Variants in LONP2 observed in about 807,000 individuals in gnomAD.
LONP2 encodes the protein lon peptidase 2, peroxisomal, also known as lon protease homolog 2, peroxisomal.
In LONP2, 60 loss-of-function variants were observed where a neutral mutation model predicts 85.6. That is an observed-to-expected ratio of 0.70 (90% CI 0.57 to 0.87). The LOEUF is 0.87. Among genes scored for constraint, LONP2 ranks in the 40% least tolerant of loss-of-function variants. The probability of loss-of-function intolerance (pLI) is 0.00; values close to 1 mark genes in which losing one functional copy is unlikely to be tolerated. For synonymous variants in LONP2, 395 were observed against 389.7 expected, an observed-to-expected ratio of 1.01 and a Z score of -0.16; for missense variants, 860 against 1,063.5, an observed-to-expected ratio of 0.81 and a Z score of 2.66.
Position 48,353,824 on chromosome 16 carries a change from G to A in LONP2, c.*2022G>A, listed in dbSNP as rs1191911391. ...ACAAGGATATAACTTGGGGTTCTCG[G>A]TATTCTTCCTTTAGTCCTGACACAG... On this transcript the variant is annotated 3_prime_UTR_variant, in exon 15 of 15. Coordinates refer to ENST00000285737, the MANE Select transcript of LONP2 (RefSeq NM_031490.5). 6.6e-6 allele frequency: 1 copy of A among 152,014 alleles called. No homozygotes were observed. Among genetic ancestry groups the A allele is most frequent in the Non-Finnish European group, 1.5e-5 (1 of 68,044 alleles). 9.4% of individuals were successfully genotyped at this position (152,014 alleles called of 1,614,324 possible).
At chr16:48,294,768 CTT>C (rs909360578) in intron 8 of LONP2, among the ~76,000 whole-genome samples, 7 of 151,824 alleles carry the variant, frequency 4.6e-5, no homozygotes, top group Non-Finnish European at 7.4e-5. Context: ...AAAAAACTAA[CTT>C]TGGATAGTTT....
chr16:48,335,040 C>T (rs139859324), intron 12 of LONP2, among the ~76,000 whole-genome samples: 492 of 152,236 alleles, frequency 3.2e-3, no homozygotes, highest in Non-Finnish European at 5.2e-3. Flanking sequence ...GATAATATGA[C>T]TTGCCAGGAG....
At chr16:48,253,703 T>C (rs1327460532) in intron 2 of LONP2, among the ~76,000 whole-genome samples, 1 of 152,166 alleles carries the variant, frequency 6.6e-6, no homozygotes, top group Non-Finnish European at 1.5e-5. Context: ...TGCTTTGCTT[T>C]TACTTCTTTG....
chr16:48,258,883 C>A, intron 4 of LONP2, 143 bp downstream of exon 4: 1 of 753,692 alleles, frequency 1.3e-6, no homozygotes, highest in Non-Finnish European at 1.9e-6. Context: ...TTTTCTTTGC[C>A]TGGATTTTTT....
Position 48,244,354 on chromosome 16 carries a change from C to G in LONP2, c.-35C>G, listed in dbSNP as rs762992923. 14 of 1,476,040 alleles carry G rather than the reference C, an allele frequency of 9.5e-6. No homozygotes were observed. Among genetic ancestry groups the G allele is most frequent in the East Asian group, 2.6e-5 (1 of 37,758 alleles). 91.4% of individuals were successfully genotyped at this position (1,476,040 alleles called of 1,614,324 possible). A position where few individuals can be genotyped will look rare whatever the true frequency, so the allele number is the denominator to read the frequency against. On this transcript the variant is annotated 5_prime_UTR_variant, in exon 1 of 15. Coordinates refer to ENST00000285737, the MANE Select transcript of LONP2 (RefSeq NM_031490.5). ...GCCGGGGGCAGCTGTCTGTCTGGCT[C>G]TTTTTGACAGCCCCCAGTGCGAAAG...
intron 1 of LONP2, among the ~76,000 whole-genome samples, chr16:48,251,574 C>A (rs1398095757): frequency 6.6e-6 from 1 of 152,088 alleles, no homozygotes; most frequent in Non-Finnish European, 1.5e-5. Context: ...AGCCCTCACA[C>A]TTAGAAATTC....
intron 6 of LONP2, among the ~76,000 whole-genome samples, chr16:48,264,462 C>CA (rs1971947509): frequency 6.6e-6 from 1 of 152,202 alleles, no homozygotes; most frequent in African/African-American, 2.4e-5. Context: ...CACCAGCGGT[C>CA]AGAGTTTAAG....
intron 8 of LONP2, among the ~76,000 whole-genome samples, chr16:48,286,742 T>C (rs1486885058): frequency 1.3e-5 from 2 of 151,564 alleles, no homozygotes; most frequent in African/African-American, 2.4e-5. Context: ...AGCAATTTGC[T>C]CACCTTGGCC....
At chr16:48,289,785 T>C (rs1567325316) in intron 8 of LONP2, among the ~76,000 whole-genome samples, 1 of 152,212 alleles carries the variant, frequency 6.6e-6, no homozygotes, top group Non-Finnish European at 1.5e-5. Flanking sequence ...TATTTTCTAC[T>C]TGCACTTTGG....
At chr16:48,249,206 A>C (rs1348869396) in intron 1 of LONP2, among the ~76,000 whole-genome samples, 6 of 152,186 alleles carry the variant, frequency 3.9e-5, no homozygotes, top group Non-Finnish European at 8.8e-5. Context: ...GGAGTTTCAA[A>C]ACTTCTTTGA....
rs1047984907 is a variant in LONP2 at position 48,355,027 on chromosome 16, C to T, written c.*3225C>T. ...ATGGCCAAATAATACACCACTATAT[C>T]CATAGACCGCATTTGGTTTATCCAC... On this transcript the variant is annotated 3_prime_UTR_variant, in exon 15 of 15. Transcript: ENST00000285737. 6.6e-6 allele frequency: 1 copy of T among 152,182 alleles called. No individual in the cohort carries two copies. The highest frequency in any genetic ancestry group is 2.4e-5 in the African/African-American group (1 of 41,446). 9.4% of individuals were successfully genotyped at this position (152,182 alleles called of 1,614,324 possible). A position where few individuals can be genotyped will look rare whatever the true frequency, so the allele number is the denominator to read the frequency against.
intron 8 of LONP2, among the ~76,000 whole-genome samples, chr16:48,281,900 G>T (rs554934097): frequency 6.6e-6 from 1 of 152,160 alleles, no homozygotes; most frequent in African/African-American, 2.4e-5. Context: ...AGAAGAGAGG[G>T]ACTTAGACAT....
chr16:48,283,344 G>A (rs530202905), intron 8 of LONP2, among the ~76,000 whole-genome samples: 40 of 152,328 alleles, frequency 2.6e-4, no homozygotes, highest in Middle Eastern at 3.4e-3. Flanking sequence ...GCCTTATTTT[G>A]TATTGGAAGA....
intron 2 of LONP2, among the ~76,000 whole-genome samples, chr16:48,253,387 T>C (rs558877180): frequency 1.9e-4 from 29 of 152,092 alleles, no homozygotes; most frequent in African/African-American, 6.3e-4. Flanking sequence ...GGAGGATTAC[T>C]TGAACCTAGT....
chr16:48,348,588 G>A (rs1196839745), intron 14 of LONP2, among the ~76,000 whole-genome samples: 5 of 149,340 alleles, frequency 3.3e-5, no homozygotes, highest in Non-Finnish European at 7.4e-5. Flanking sequence ...ACCAAGTCCT[G>A]GGCTCAAGCG....
chr16:48,289,345 T>C (rs1414171982), intron 8 of LONP2, among the ~76,000 whole-genome samples: 1 of 152,158 alleles, frequency 6.6e-6, no homozygotes, highest in Non-Finnish European at 1.5e-5. Context: ...AGGTGAACAT[T>C]GGTTTGGTCT....
intron 8 of LONP2, among the ~76,000 whole-genome samples, chr16:48,287,388 G>A (rs1157038015): frequency 2.0e-5 from 3 of 152,212 alleles, no homozygotes; most frequent in African/African-American, 7.2e-5. Context: ...TAAGTTTTTT[G>A]GTCAGCCTCT....
intron 11 of LONP2, among the ~76,000 whole-genome samples, chr16:48,328,675 C>CAA (rs964534755): frequency 3.8e-4 from 26 of 67,632 alleles, no homozygotes; most frequent in African/African-American, 8.3e-4. Flanking sequence ...GACTCCGTCT[C>CAA]AAAAAAAAAA....
chr16:48,331,138 T>C (rs1257634644), intron 11 of LONP2, among the ~76,000 whole-genome samples: 5 of 152,132 alleles, frequency 3.3e-5, no homozygotes, highest in Non-Finnish European at 7.3e-5. Context: ...TGAGTACCAC[T>C]ACCTTCCATC....
Sources: allele counts gnomAD v4.1 joint callset (sites outside exome capture counted in the v4.1 genomes callset), GRCh38; gene constraint gnomAD v4.1.1; transcripts MANE v1.5; gene names NCBI Gene and HGNC (gene_info 2026-07-23, HGNC 2026-07-21).